TEAD1: variants seen among roughly 807,000 people sequenced by gnomAD.
The protein encoded by TEAD1 is TEA domain transcription factor 1, also known as transcriptional enhancer factor TEF-1.
TEAD1 carries 9 observed loss-of-function variants against 54.9 expected under a neutral mutation model. The observed-to-expected ratio is 0.16, with a 90% confidence interval of 0.10 to 0.29. The LOEUF (loss-of-function observed/expected upper bound fraction) is 0.29. Ranked by LOEUF, TEAD1 falls within the 10% of genes least tolerant of loss-of-function variation. The probability of loss-of-function intolerance (pLI) is 1.00; values close to 1 mark genes in which losing one functional copy is unlikely to be tolerated. For synonymous variants in TEAD1, 200 were observed against 187.8 expected (o/e 1.07, Z -0.53); for missense variants, 387 against 535.9 (o/e 0.72, Z 2.74).
chr11:12,879,869 G>A (rs1189743685), intron 6 of TEAD1, 27 bp downstream of exon 6: 1 of 1,612,132 alleles, frequency 6.2e-7, no homozygotes, highest in Non-Finnish European at 8.5e-7. Context: ...GTCCAGTAAT[G>A]ACAGCTGCTG....
At chr11:12,854,851 C>T (rs764821675) in intron 3 of TEAD1, among the ~76,000 whole-genome samples, 1 of 151,712 alleles carries the variant, frequency 6.6e-6, no homozygotes, top group African/African-American at 2.4e-5. Flanking sequence ...CTGCCTCAGC[C>T]TCCCAAAGTG....
chr11:12,716,778 T>G (rs1944072048), intron 2 of TEAD1, among the ~76,000 whole-genome samples: 2 of 152,384 alleles, frequency 1.3e-5, no homozygotes, highest in South Asian at 4.1e-4. Flanking sequence ...AAAACCATTC[T>G]TCCTTCATGG....
chr11:12,719,974 T>G (rs1564917637), intron 2 of TEAD1, among the ~76,000 whole-genome samples: 1 of 67,418 alleles, frequency 1.5e-5, no homozygotes, highest in Non-Finnish European at 2.5e-5. Context: ...TTTTTTTTTT[T>G]TTTTTTTTTT....
chr11:12,723,692 G>A (rs1239787322), intron 2 of TEAD1, among the ~76,000 whole-genome samples: 1 of 152,132 alleles, frequency 6.6e-6, no homozygotes, highest in Non-Finnish European at 1.5e-5. Flanking sequence ...AAAAGGATCA[G>A]CTTTTAGTCA....
chr11:12,736,497 CCT>C (rs1446523869), intron 2 of TEAD1, among the ~76,000 whole-genome samples: 1 of 152,174 alleles, frequency 6.6e-6, no homozygotes, highest in Non-Finnish European at 1.5e-5. Context: ...CAAATAATCA[CCT>C]GTCCTCCTTT....
At chr11:12,718,557 A>G (rs1297097236) in intron 2 of TEAD1, among the ~76,000 whole-genome samples, 6 of 151,520 alleles carry the variant, frequency 4.0e-5, no homozygotes, top group Non-Finnish European at 8.8e-5. Flanking sequence ...TGGTTTTTCC[A>G]TAAAGACATT....
chr11:12,879,388 A>G, intron 5 of TEAD1: 1 of 589,594 alleles, frequency 1.7e-6, no homozygotes, highest in Non-Finnish European at 3.0e-6. Context: ...GTTTTAAGTA[A>G]TTGGAGAAAT....
intron 12 of TEAD1, among the ~76,000 whole-genome samples, chr11:12,934,796 GA>G: frequency 6.6e-6 from 1 of 152,144 alleles, no homozygotes; most frequent in East Asian, 1.9e-4. Context: ...TGCCTTCTGG[GA>G]TACAATGCAA....
chr11:12,854,618 G>T (rs970828320), intron 3 of TEAD1, among the ~76,000 whole-genome samples: 3 of 152,014 alleles, frequency 2.0e-5, no homozygotes, highest in Admixed American at 6.6e-5. Flanking sequence ...TTTAGACAGG[G>T]TCTCACTCTG....
In TEAD1 at chr11:12,751,145, C is replaced by G. The variant is rs116170329; in HGVS notation, c.-54-13034C>G. Among the ~76,000 whole-genome samples the G allele has an allele frequency of 1.0e-2, 1,514 of 151,832 alleles. 27 individuals carry two copies. Among genetic ancestry groups the G allele is most frequent in the African/African-American group, 0.035 (1,464 of 41,420 alleles). On this transcript the variant is annotated intron_variant, in intron 2 of 12. Transcript: ENST00000527636. ...GGGCAACATAGTGAGGCCAAAAAAC[C>G]GAAATAATTAGCTGGGCATGGTAGC...
chr11:12,750,733 T>C (rs189993709), intron 2 of TEAD1, among the ~76,000 whole-genome samples: 2 of 152,292 alleles, frequency 1.3e-5, no homozygotes, highest in East Asian at 3.9e-4. Context: ...ACTTTCTTGC[T>C]TGGCTCTCTC....
intron 9 of TEAD1, among the ~76,000 whole-genome samples, chr11:12,892,114 G>A (rs973270384): frequency 3.3e-5 from 5 of 152,178 alleles, no homozygotes; most frequent in African/African-American, 1.2e-4. Flanking sequence ...TCTCGTAAAG[G>A]CAGTTGGTCA....
Position 12,901,950 on chromosome 11 carries a change from AC to A in TEAD1, c.712del (p.Leu238SerfsTer36). 1 of 1,614,170 alleles carries A rather than the reference AC, an allele frequency of 6.2e-7. No homozygotes were observed. The highest frequency in any genetic ancestry group is 8.5e-7 in the Non-Finnish European group (1 of 1,180,034). The stretch of plus-strand genomic sequence containing the variant: ...GTTGGTTTCTTACAGTACAACAAAC[AC>A]CTCTTCGTGCACATTGGGCATGCCA... On this transcript the variant is annotated frameshift_variant, in exon 10 of 13. Coordinates refer to ENST00000527636, the MANE Select transcript of TEAD1 (RefSeq NM_021961.6). LOFTEE classifies it high-confidence loss of function.
chr11:12,927,439 A>T (rs1948923415), intron 11 of TEAD1, among the ~76,000 whole-genome samples: 1 of 152,150 alleles, frequency 6.6e-6, no homozygotes, highest in South Asian at 2.1e-4. Context: ...TGTGGATTTG[A>T]TTACAGTGGC....
chr11:12,890,710 A>C (rs1471677970), intron 9 of TEAD1, among the ~76,000 whole-genome samples: 1 of 152,240 alleles, frequency 6.6e-6, no homozygotes, highest in Non-Finnish European at 1.5e-5. Flanking sequence ...CAAGCTTGCG[A>C]GAATGTGCTC....
intron 3 of TEAD1, among the ~76,000 whole-genome samples, chr11:12,811,986 C>T (rs1946311075): frequency 6.6e-6 from 1 of 152,066 alleles, no homozygotes; most frequent in South Asian, 2.1e-4. Context: ...TATGATGTTC[C>T]TGTCTCTTAA....
intron 3 of TEAD1, among the ~76,000 whole-genome samples, chr11:12,820,881 A>G (rs1045585265): frequency 3.3e-5 from 5 of 152,230 alleles, no homozygotes. Flanking sequence ...AGAAAAACCT[A>G]GGACCCCAGA....
intron 3 of TEAD1, among the ~76,000 whole-genome samples, chr11:12,778,367 C>T (rs990315349): frequency 1.3e-5 from 2 of 151,910 alleles, no homozygotes; most frequent in African/African-American, 2.4e-5. Flanking sequence ...TCTGGGATAC[C>T]GTTCATCCTG....
At chr11:12,828,654 GT>G (rs776583694) in intron 3 of TEAD1, among the ~76,000 whole-genome samples, 315 of 132,294 alleles carry the variant, frequency 2.4e-3, no homozygotes, top group Non-Finnish European at 2.5e-3. Context: ...GGGAGTGTGG[GT>G]TTTTTTTTTT....
Sources: gnomAD v4.1 joint callset for allele counts (sites outside exome capture counted in the v4.1 genomes callset) on GRCh38, gnomAD v4.1.1 for gene constraint, MANE v1.5 for transcripts, NCBI Gene and HGNC (gene_info 2026-07-23, HGNC 2026-07-21) for gene names.